Variants in MGAT4C observed in about 807,000 individuals in gnomAD.
MGAT4C encodes alpha-1,3-mannosyl-glycoprotein 4-beta-N-acetylglucosaminyltransferase C.
In MGAT4C, 19 loss-of-function variants were observed where a neutral mutation model predicts 40.1. The observed-to-expected ratio is 0.47, with a 90% confidence interval of 0.33 to 0.70. The LOEUF (loss-of-function observed/expected upper bound fraction) is 0.70, where lower values mean the gene tolerates loss of function less well. Ranked by LOEUF, MGAT4C falls within the 30% of genes least tolerant of loss-of-function variation. The pLI, the probability that MGAT4C is intolerant of heterozygous loss-of-function variation, is 0.02. For synonymous variants in MGAT4C, 181 were observed against 187.1 expected (o/e 0.97, Z 0.27); for missense variants, 491 against 563.2 (o/e 0.87, Z 1.30).
At chr12:86,448,281 C>A (rs936815300) in intron 2 of MGAT4C, among the ~76,000 whole-genome samples, 2 of 152,152 alleles carry the variant, frequency 1.3e-5, no homozygotes, top group Non-Finnish European at 2.9e-5. Context: ...CTGTTTCCTG[C>A]CATGGTTCTT....
intron 1 of MGAT4C, among the ~76,000 whole-genome samples, chr12:86,818,808 TAATAAG>T (rs1331898324): frequency 1.3e-5 from 2 of 151,048 alleles, no homozygotes; most frequent in Non-Finnish European, 3.0e-5. Context: ...TAGAACTCAA[TAATAAG>T]AATAACATGA....
chr12:86,493,476 G>C (rs1438027093), intron 2 of MGAT4C, among the ~76,000 whole-genome samples: 2 of 152,130 alleles, frequency 1.3e-5, no homozygotes, highest in Admixed American at 6.6e-5. Context: ...CATAAAAAAT[G>C]ATGAGTTCAT....
At chr12:86,698,786 G>A (rs560253878) in intron 2 of MGAT4C, among the ~76,000 whole-genome samples, 46 of 152,004 alleles carry the variant, frequency 3.0e-4, no homozygotes, top group African/African-American at 9.4e-4. Context: ...AATTCATTCT[G>A]ATCATTTTGT....
chr12:86,429,536 T>A (rs1264615446), intron 3 of MGAT4C, among the ~76,000 whole-genome samples: 1 of 152,196 alleles, frequency 6.6e-6, no homozygotes, highest in Non-Finnish European at 1.5e-5. Flanking sequence ...TCTGGGTGAA[T>A]AAGGTTTTTA....
chr12:86,163,666 C>G (rs1885859876), intron 1 of MGAT4C, among the ~76,000 whole-genome samples: 1 of 152,090 alleles, frequency 6.6e-6, no homozygotes, highest in African/African-American at 2.4e-5. Context: ...ACAGATCATT[C>G]TCTACATAAG....
At position 86,086,376 on chromosome 12, in the gene MGAT4C, G is replaced by A. The variant is rs1477993849; in HGVS notation, c.-56-36653C>T. Among the ~76,000 whole-genome samples, 7 of 152,024 alleles carry A rather than the reference G, an allele frequency of 4.6e-5. No homozygotes were observed. In the South Asian group the frequency reaches 6.2e-4, roughly 14 times the overall value. On this transcript the variant is annotated intron_variant, in intron 1 of 4. Transcript: ENST00000611864. ...CACAGGGAGAGGAACATCACACACC[G>A]GGGCCTTTTGCGGGTGGGGAGCAAG...
chr12:86,155,892 A>G (rs1884874068), intron 1 of MGAT4C, among the ~76,000 whole-genome samples: 1 of 151,704 alleles, frequency 6.6e-6, no homozygotes, highest in Admixed American at 6.6e-5. Context: ...CCATTTTCCA[A>G]CTCTGTAGGG....
intron 2 of MGAT4C, among the ~76,000 whole-genome samples, chr12:86,026,055 C>T (rs781038240): frequency 6.6e-6 from 1 of 151,662 alleles, no homozygotes; most frequent in Non-Finnish European, 1.5e-5. Context: ...ATTTGTGTCA[C>T]CTGTCCTGAA....
intron 2 of MGAT4C, among the ~76,000 whole-genome samples, chr12:85,994,561 C>G (rs1476807458): frequency 1.3e-5 from 2 of 151,916 alleles, no homozygotes; most frequent in Non-Finnish European, 2.9e-5. Context: ...CCTCCCCCAC[C>G]TCAAACATAG....
intron 2 of MGAT4C, among the ~76,000 whole-genome samples, chr12:86,624,906 G>T (rs1480918193): frequency 6.6e-6 from 1 of 151,770 alleles, no homozygotes; most frequent in East Asian, 1.9e-4. Flanking sequence ...AAAAAATTTT[G>T]GTTCCATGTC....
intron 3 of MGAT4C, among the ~76,000 whole-genome samples, chr12:85,986,518 A>G (rs1885218956): frequency 6.6e-6 from 1 of 152,216 alleles, no homozygotes; most frequent in Non-Finnish European, 1.5e-5. Flanking sequence ...CAAATATGCT[A>G]AACTGCTAAT....
At chr12:86,639,676 G>T (rs752313576) in intron 2 of MGAT4C, among the ~76,000 whole-genome samples, 1 of 151,624 alleles carries the variant, frequency 6.6e-6, no homozygotes, top group Non-Finnish European at 1.5e-5. Flanking sequence ...TGGCATAATG[G>T]TTGCTCATAA....
intron 1 of MGAT4C, among the ~76,000 whole-genome samples, chr12:86,100,484 TCCCCTTTTGCCTG>T (rs1874771844): frequency 6.6e-6 from 1 of 151,380 alleles, no homozygotes; most frequent in Admixed American, 6.6e-5. Context: ...GACAATATTT[TCCCCTTTTGCCTG>T]CCCCCAATGC....
chr12:86,739,133 C>CAAAAAAAAAAAAAAAAAAAAAAAAA (rs59869666), intron 1 of MGAT4C, among the ~76,000 whole-genome samples: 1 of 39,772 alleles, frequency 2.5e-5, no homozygotes, highest in African/African-American at 1.1e-4. Context: ...TTTCCCTGTG[C>CAAAAAAAAAAAAAAAAAAAAAAAAA]AAAAAAAAAA....
intron 2 of MGAT4C, among the ~76,000 whole-genome samples, chr12:86,026,580 G>A (rs1490801174): frequency 6.6e-6 from 1 of 151,802 alleles, no homozygotes; most frequent in East Asian, 1.9e-4. Context: ...ATTCATATAA[G>A]ATATCTTTGT....
At chr12:86,023,370 C>G (rs1011358374) in intron 2 of MGAT4C, among the ~76,000 whole-genome samples, 2 of 151,288 alleles carry the variant, frequency 1.3e-5, no homozygotes, top group Non-Finnish European at 3.0e-5. Context: ...AATTAAGAAC[C>G]AAGAATGGAG....
At chr12:86,580,545 T>C (rs562911270) in intron 2 of MGAT4C, among the ~76,000 whole-genome samples, 3 of 151,640 alleles carry the variant, frequency 2.0e-5, no homozygotes, top group South Asian at 4.1e-4. Context: ...GAATTGATTA[T>C]AGCTATAATC....
At chr12:86,003,747 TGAA>T (rs147837764) in intron 2 of MGAT4C, among the ~76,000 whole-genome samples, 47,583 of 151,006 alleles carry the variant, frequency 0.32, 7,754 homozygotes, top group East Asian at 0.62. Context: ...TGAAGTTTTG[TGAA>T]GAAGAAGAAG....
At chr12:86,753,569 G>T (rs2136143799) in intron 1 of MGAT4C, among the ~76,000 whole-genome samples, 2 of 151,974 alleles carry the variant, frequency 1.3e-5, no homozygotes, top group Middle Eastern at 6.8e-3. Context: ...AGGGTCACCA[G>T]CCCGAGATGG....
Sources: allele counts gnomAD v4.1 joint callset (sites outside exome capture counted in the v4.1 genomes callset), GRCh38; gene constraint gnomAD v4.1.1; transcripts MANE v1.5; gene names NCBI Gene and HGNC (gene_info 2026-07-23, HGNC 2026-07-21).